PARD3B: variants seen among roughly 807,000 people sequenced by gnomAD.
The protein encoded by PARD3B is par-3 family cell polarity regulator beta, also known as partitioning defective 3 homolog B.
Under a neutral mutation model 130.2 loss-of-function variants are expected in PARD3B, and 103 were observed. The ratio of observed to expected loss-of-function variants is 0.79; its 90% CI spans 0.67 to 0.93. The LOEUF (loss-of-function observed/expected upper bound fraction) is 0.93. Ranked by LOEUF, PARD3B falls within the 40% of genes least tolerant of loss-of-function variation. The pLI, the probability that PARD3B is intolerant of heterozygous loss-of-function variation, is 0.00. For missense variants in PARD3B, 1,609 were observed against 1,499.2 expected, an observed-to-expected ratio of 1.07 and a Z score of -1.21; for synonymous variants, 583 against 553.2, an observed-to-expected ratio of 1.05 and a Z score of -0.76.
At chr2:204,616,121 C>G (rs899939810) in intron 1 of PARD3B, among the ~76,000 whole-genome samples, 9 of 152,110 alleles carry the variant, frequency 5.9e-5, no homozygotes, top group African/African-American at 2.2e-4. Flanking sequence ...AATTGATTAC[C>G]TGGATTTTCA....
At chr2:205,381,939 A>G (rs1244709858) in intron 18 of PARD3B, among the ~76,000 whole-genome samples, 1 of 151,982 alleles carries the variant, frequency 6.6e-6, no homozygotes, top group Non-Finnish European at 1.5e-5. Context: ...GTTGTTTAAA[A>G]CTTTTTCAGT....
chr2:204,812,874 C>G (rs1214647467), intron 2 of PARD3B, among the ~76,000 whole-genome samples: 1 of 152,108 alleles, frequency 6.6e-6, no homozygotes, highest in Non-Finnish European at 1.5e-5. Flanking sequence ...ACCTGACCAT[C>G]CCGTGATGGT....
intron 4 of PARD3B, among the ~76,000 whole-genome samples, chr2:205,071,106 T>C (rs982894511): frequency 5.3e-5 from 8 of 152,204 alleles, no homozygotes; most frequent in African/African-American, 9.6e-5. Context: ...GGCTTCTTTC[T>C]TATCACTGTG....
At chr2:205,389,059 A>C (rs2045760740) in intron 18 of PARD3B, among the ~76,000 whole-genome samples, 1 of 152,170 alleles carries the variant, frequency 6.6e-6, no homozygotes, top group East Asian at 1.9e-4. Flanking sequence ...ATTTCATAGA[A>C]ACTTGTGACT....
At chr2:205,302,294 G>A (rs995254249) in intron 18 of PARD3B, among the ~76,000 whole-genome samples, 10 of 151,600 alleles carry the variant, frequency 6.6e-5, no homozygotes, top group Admixed American at 6.6e-4. Flanking sequence ...TTGAACTCCT[G>A]ACCTCAAGTG....
chr2:204,737,169 TC>T (rs1192050680), intron 2 of PARD3B, among the ~76,000 whole-genome samples: 2 of 152,162 alleles, frequency 1.3e-5, no homozygotes, highest in Non-Finnish European at 2.9e-5. Flanking sequence ...ATGGGGTTTC[TC>T]CATGTTGGTC....
chr2:205,150,252 T>TGTGTGTGTGTGTGTGCGCGCGCGC (rs375301293), intron 10 of PARD3B, among the ~76,000 whole-genome samples: 1 of 145,780 alleles, frequency 6.9e-6, no homozygotes, highest in African/African-American at 2.6e-5. Flanking sequence ...TGTGTGTGTG[T>TGTGTGTGTGTGTGTGCGCGCGCGC]GCACACACGC....
intron 2 of PARD3B, among the ~76,000 whole-genome samples, chr2:204,695,725 C>T (rs2037580066): frequency 6.6e-6 from 1 of 151,870 alleles, no homozygotes; most frequent in Non-Finnish European, 1.5e-5. Context: ...TTCTGCATAG[C>T]CCAGAAAGGG....
chr2:205,537,343 G>A (rs2051908701), intron 21 of PARD3B, among the ~76,000 whole-genome samples: 2 of 152,140 alleles, frequency 1.3e-5, no homozygotes, highest in African/African-American at 4.8e-5. Context: ...GCCAAAGTTG[G>A]GATTTGGCTT....
chr2:205,403,690 CTG>C (rs2046327891), intron 19 of PARD3B, among the ~76,000 whole-genome samples: 1 of 152,166 alleles, frequency 6.6e-6, no homozygotes. Context: ...GCCCAGGAAT[CTG>C]TGTTTCATAC....
At chr2:204,730,585 G>GAAAAAAAAAAAAAAAAA (rs201459754) in intron 2 of PARD3B, among the ~76,000 whole-genome samples, 1 of 134,712 alleles carries the variant, frequency 7.4e-6, no homozygotes, top group African/African-American at 2.7e-5. Flanking sequence ...AAAAAAAAAA[G>GAAAAAAAAAAAAAAAAA]AAAAAAAAAA....
intron 20 of PARD3B, among the ~76,000 whole-genome samples, chr2:205,479,676 C>G (rs1191358197): frequency 6.6e-6 from 1 of 152,200 alleles, no homozygotes. Context: ...AACCTCTATT[C>G]TGTCTTCCAC....
intron 22 of PARD3B, among the ~76,000 whole-genome samples, chr2:205,596,876 C>G (rs191721174): frequency 6.6e-6 from 1 of 152,178 alleles, no homozygotes; most frequent in Admixed American, 6.5e-5. Flanking sequence ...GCCCTTTTCA[C>G]AGGAAGCTGA....
intron 2 of PARD3B, among the ~76,000 whole-genome samples, chr2:204,888,081 G>T (rs2046323038): frequency 1.3e-5 from 2 of 152,146 alleles, no homozygotes; most frequent in South Asian, 4.1e-4. Flanking sequence ...GAGATCAGAA[G>T]AGTGGAAGTA....
At chr2:204,773,784 T>G (rs956196761) in intron 2 of PARD3B, among the ~76,000 whole-genome samples, 1 of 152,084 alleles carries the variant, frequency 6.6e-6, no homozygotes, top group Non-Finnish European at 1.5e-5. Context: ...CCTTTCACCC[T>G]GACTTCCTCT....
chr2:205,030,220 A>G (rs1039058227), intron 3 of PARD3B, among the ~76,000 whole-genome samples: 1 of 152,128 alleles, frequency 6.6e-6, no homozygotes, highest in African/African-American at 2.4e-5. Context: ...CTTCAGAGGA[A>G]GAAGCATGAG....
intron 18 of PARD3B, among the ~76,000 whole-genome samples, chr2:205,389,336 A>T (rs142919946): frequency 6.6e-6 from 1 of 152,154 alleles, no homozygotes; most frequent in Non-Finnish European, 1.5e-5. Flanking sequence ...GAAAGAGTAC[A>T]TACAAATGGA....
rs141059706 is a variant in PARD3B, at chr2:204,989,564, G to A, written c.394+24241G>A. On this transcript the variant is annotated intron_variant, in intron 3 of 22. Transcript: ENST00000406610. ...TGTCATTATCTTTGAAGTCCCCTCT[G>A]TACCCCTTGCTAATTCCATCTATTT... 3.8e-3 allele frequency among the ~76,000 whole-genome samples: 582 copies of A among 152,248 alleles called. 5 individuals carry two copies. Among genetic ancestry groups the A allele is most frequent in the African/African-American group, 0.013 (545 of 41,554 alleles).
chr2:205,056,137 C>A (rs1214312566), intron 4 of PARD3B, among the ~76,000 whole-genome samples: 1 of 151,792 alleles, frequency 6.6e-6, no homozygotes, highest in African/African-American at 2.4e-5. Context: ...AGACAATTGG[C>A]CTTGGGAGGA....
Sources: allele counts gnomAD v4.1 joint callset (sites outside exome capture counted in the v4.1 genomes callset), GRCh38; gene constraint gnomAD v4.1.1; transcripts MANE v1.5; gene names NCBI Gene and HGNC (gene_info 2026-07-23, HGNC 2026-07-21).